Variants in ZNF213 observed in about 807,000 individuals in gnomAD.
ZNF213 encodes the protein zinc finger protein 213, also known as putative transcription factor CR53.
A neutral mutation model predicts 46.0 loss-of-function variants in ZNF213; 32 were observed. The observed-to-expected ratio is 0.70, with a 90% CI of 0.52 to 0.93. The LOEUF (loss-of-function observed/expected upper bound fraction) is 0.93, where lower values mean the gene tolerates loss of function less well. ZNF213 is among the 40% of genes least tolerant of loss of function. The pLI is 0.00. For synonymous variants in ZNF213, 297 were observed against 271.0 expected (o/e 1.10, Z -0.94); for missense variants, 639 against 652.8 (o/e 0.98, Z 0.23).
At chr16:3,138,564 G>A (rs756853711) in intron 3 of ZNF213, 23 bp downstream of exon 3, 2 of 1,613,854 alleles carry the variant, frequency 1.2e-6, no homozygotes, top group African/African-American at 1.3e-5. Context: ...CCGTTCTTGT[G>A]GACAGTCGAG....
chr16:3,138,604 G>A (rs917460230), intron 3 of ZNF213, 63 bp downstream of exon 3: 58 of 1,612,084 alleles, frequency 3.6e-5, no homozygotes, highest in African/African-American at 6.7e-5. Flanking sequence ...CTTTGTCACC[G>A]GCGTTGCCCT....
In ZNF213 at chr16:3,141,130, T is replaced by C; in HGVS notation, c.1163T>C (p.Leu388Pro). 6.2e-7 allele frequency: 1 copy of C among 1,612,384 alleles called. No individual in the cohort carries two copies. The change falls in exon 6 of 6, where the codon CTG becomes CCG. Residue 388 changes from leucine (L) to proline (P), a missense_variant. By Grantham distance (98) the Leu-to-Pro change is moderately conservative. Transcript: ENST00000396878. ...AAGAGCTTCAGCCGCAGCGCCTACC[T>C]GGCCGACCACCAGCGCATACACACG... ...CGKSFSRSAY[L>P]ADHQRIHTGE...
chr16:3,140,822 G>A lies in ZNF213; in HGVS notation c.855G>A (p.Arg285=), dbSNP rs372618434. Residue 285 remains arginine (R), a synonymous_variant, in exon 6 of 6, where the codon CGG becomes CGA. Coordinates refer to ENST00000396878, the MANE Select transcript of ZNF213 (RefSeq NM_004220.3). ...EEAEAWESEN[R]PRAALGPVVG... ...CTGAGGCCTGGGAGAGCGAGAACCGGCCGAGGGCGGCCCTGGGCCCAGTGG... is the reference window on the plus strand; with the variant it reads ...CTGAGGCCTGGGAGAGCGAGAACCGACCGAGGGCGGCCCTGGGCCCAGTGG... The A allele has an allele frequency of 1.3e-6, 2 of 1,592,406 alleles. No individual in the cohort carries two copies. The highest frequency in any genetic ancestry group is 2.3e-5 in the East Asian group (1 of 44,126).
chr16:3,137,795 C>G, intron 2 of ZNF213, 116 bp downstream of exon 2: 1 of 1,318,572 alleles, frequency 7.6e-7, no homozygotes, highest in Non-Finnish European at 1.0e-6. Context: ...ACACAGAGCC[C>G]CCAGGAGCAG....
At position 3,138,966 on chromosome 16, in the gene ZNF213, C is replaced by G. The variant is rs1469529210; in HGVS notation, c.598-9C>G. On this transcript the variant is annotated splice_polypyrimidine_tract_variant and intron_variant, in intron 4 of 5. Coordinates refer to ENST00000396878, the MANE Select transcript of ZNF213 (RefSeq NM_004220.3). ...GAGGCCTGAGCCGGGTCTTCTCACC[C>G]CATTCCAGGGACCTGTGGCATTGGG... 6.2e-7 allele frequency: 1 copy of G among 1,614,106 alleles called. No homozygotes were observed. The highest frequency in any genetic ancestry group is 1.3e-5 in the African/African-American group (1 of 74,954).
rs752818729 is a variant in ZNF213 at position 3,138,350 on chromosome 16, C to T, written c.400-68C>T. 5.6e-6 allele frequency: 9 copies of T among 1,596,780 alleles called. No homozygotes were observed. The African/African-American group carries it at 1.1e-4, about 19-fold the overall frequency. ...GAGGGTCATGTCCTGTGTCTCCTTC[C>T]CAGGGAGTAAACTCTGTCTCCCCCG... On this transcript the variant is annotated intron_variant, in intron 2 of 5. Coordinates refer to ENST00000396878, the MANE Select transcript of ZNF213 (RefSeq NM_004220.3).
In ZNF213 at chr16:3,138,754, C is replaced by A. The variant is rs372304460; in HGVS notation, c.533C>A (p.Pro178His). 14 of 1,614,072 alleles carry A rather than the reference C, an allele frequency of 8.7e-6. No homozygotes were observed. The African/African-American group carries it at 1.7e-4, about 20-fold the overall frequency. The change falls in exon 4 of 6, where the codon CCT (proline) becomes CAT (histidine). Residue 178 changes from proline to histidine, a missense_variant. Physicochemically the swap from Pro to His is moderately conservative, Grantham distance 77. Transcript: ENST00000396878. ...QEQHSHSAQP[P>H]ALLKEGRPGE... ...CATTCTTCTCCTTCAGCCCAGCCTC[C>A]TGCTCTTCTTAAAGAGGGTCGTCCC...
intron 1 of ZNF213, among the ~76,000 whole-genome samples, chr16:3,136,334 G>C (rs1957536815): frequency 6.6e-6 from 1 of 152,150 alleles, no homozygotes; most frequent in African/African-American, 2.4e-5. Context: ...TTTCAAATTT[G>C]AGAAAGATAA....
intron 1 of ZNF213, among the ~76,000 whole-genome samples, chr16:3,135,758 C>T (rs1189838564): frequency 6.6e-6 from 1 of 151,916 alleles, no homozygotes; most frequent in African/African-American, 2.4e-5. Context: ...GAGAGTTTTA[C>T]AGATTTCTAT....
chr16:3,140,854 C>T lies in ZNF213; in HGVS notation c.887C>T (p.Ala296Val), dbSNP rs747960018. The change falls in exon 6 of 6, where the codon GCG becomes GTG. Residue 296 changes from alanine (A) to valine (V), a missense_variant. By Grantham distance (64) the Ala-to-Val change is moderately conservative. Coordinates refer to ENST00000396878, the MANE Select transcript of ZNF213 (RefSeq NM_004220.3). The part of the protein sequence containing the change: ...PRAALGPVVG[A>V]RRGRPPTRRR... ...GCGGCCCTGGGCCCAGTGGTGGGCGCGCGACGGGGGCGGCCACCCACTCGC... is the reference window on the plus strand; with the variant it reads ...GCGGCCCTGGGCCCAGTGGTGGGCGTGCGACGGGGGCGGCCACCCACTCGC... 6 of 1,578,524 alleles carry T rather than the reference C, an allele frequency of 3.8e-6. No homozygotes were observed. The highest frequency in any genetic ancestry group is 5.1e-6 in the Non-Finnish European group (6 of 1,166,734).
chr16:3,138,930 A>G, intron 4 of ZNF213, 45 bp from the exon 5 acceptor site: 1 of 1,613,952 alleles, frequency 6.2e-7, no homozygotes, highest in Non-Finnish European at 8.5e-7. Context: ...TGTCCCCGCC[A>G]GTGCTGCTGG....
rs576029626 is a variant in ZNF213 at position 3,142,548 on chromosome 16, C to T, written c.*1201C>T. The T allele has an allele frequency of 4.5e-4, 75 of 167,380 alleles. No homozygotes were observed. The highest frequency in any genetic ancestry group is 1.7e-3 in the African/African-American group (69 of 41,558). 10.4% of individuals were successfully genotyped at this position (167,380 alleles called of 1,614,324 possible). ...CCATCATCACTACGTCCAGCTCCAACGGCACTGGTGCCCCATTCCATCGGC... is the reference window on the plus strand; with the variant it reads ...CCATCATCACTACGTCCAGCTCCAATGGCACTGGTGCCCCATTCCATCGGC... On this transcript the variant is annotated 3_prime_UTR_variant, in exon 6 of 6. Transcript: ENST00000396878.
intron 5 of ZNF213, 22 bp downstream of exon 5, chr16:3,139,120 G>T: frequency 6.2e-7 from 1 of 1,609,614 alleles, no homozygotes; most frequent in Non-Finnish European, 8.5e-7. Context: ...GGGCCTTTGG[G>T]TCCAGGCTGG....
rs1469502177 is a variant in ZNF213, at chr16:3,141,854, G to T, written c.*507G>T. 1.9e-5 allele frequency: 3 copies of T among 157,134 alleles called. No individual in the cohort carries two copies. Among genetic ancestry groups the T allele is most frequent in the Admixed American group, 6.4e-5 (1 of 15,598 alleles). The allele number at this position is 157,134 out of a possible 1,614,324, so 9.7% of individuals were successfully genotyped here. A position where few individuals can be genotyped will look rare whatever the true frequency, so the allele number is the denominator to read the frequency against. The stretch of plus-strand genomic sequence containing the variant: ...AGAGACAGCCCACACCTGTGGGACC[G>T]CGGGTCTTAGTCACGGCGGCAGGGG... On this transcript the variant is annotated 3_prime_UTR_variant, in exon 6 of 6. Transcript: ENST00000396878.
Position 3,139,104 on chromosome 16 carries a change from C to T in ZNF213, c.721+6C>T, listed in dbSNP as rs1189644478. 1 of 1,612,924 alleles carries T rather than the reference C, an allele frequency of 6.2e-7. No individual in the cohort carries two copies. Among genetic ancestry groups the T allele is most frequent in the Non-Finnish European group, 8.5e-7 (1 of 1,179,728 alleles). On this transcript the variant is annotated splice_donor_region_variant and intron_variant, in intron 5 of 5. Coordinates refer to ENST00000396878, the MANE Select transcript of ZNF213 (RefSeq NM_004220.3). Reference sequence around the variant, plus strand: ...CTCCCGGAACACCACCCTGGGTAAGCACCCAGGGCCTTTGGGTCCAGGCTG... The same window carrying T: ...CTCCCGGAACACCACCCTGGGTAAGTACCCAGGGCCTTTGGGTCCAGGCTG...
rs1403084426 is a variant in ZNF213 at position 3,135,038 on chromosome 16, C to G, written c.-465C>G. ...TCCCAGCGAGCCCCGCGAGGACTTCCGGCGCCGGGAGCTCGCGGCGGAAGT... is the reference window on the plus strand; with the variant it reads ...TCCCAGCGAGCCCCGCGAGGACTTCGGGCGCCGGGAGCTCGCGGCGGAAGT... On this transcript the variant is annotated 5_prime_UTR_variant, in exon 1 of 6. Transcript: ENST00000396878. 6.8e-6 allele frequency: 1 copy of G among 146,328 alleles called. No individual in the cohort carries two copies. Among genetic ancestry groups the G allele is most frequent in the African/African-American group, 2.5e-5 (1 of 39,852 alleles). The allele number at this position is 146,328 out of a possible 1,614,324, so 9.1% of individuals were successfully genotyped here.
At chr16:3,138,068 G>T in intron 2 of ZNF213, 1 of 457,800 alleles carries the variant, frequency 2.2e-6, no homozygotes, top group Non-Finnish European at 3.9e-6. Flanking sequence ...GCTACCTTGT[G>T]GGATGTTGGG....
In ZNF213 at chr16:3,138,817, A is replaced by T; in HGVS notation, c.596A>T (p.His199Leu). ...GACACCTGCTTTGTCTCTGGGGTCCATGTGAGTCACCAGTCCCTTTGTCTT... is the reference window on the plus strand; with the variant it reads ...GACACCTGCTTTGTCTCTGGGGTCCTTGTGAGTCACCAGTCCCTTTGTCTT... ...TTDTCFVSGV[H>L]GPVALGDIPF... The change falls in exon 4 of 6, where the codon CAT (histidine) becomes CTT (leucine). Residue 199 changes from histidine (H) to leucine (L), a missense_variant and splice_region_variant. By Grantham distance (99) the His-to-Leu change is moderately conservative (BLOSUM62 -3). Transcript: ENST00000396878. The T allele has an allele frequency of 6.2e-7, 1 of 1,614,092 alleles. No individual in the cohort carries two copies. The highest frequency in any genetic ancestry group is 8.5e-7 in the Non-Finnish European group (1 of 1,179,994).
At chr16:3,136,440 G>A (rs559881311) in intron 1 of ZNF213, among the ~76,000 whole-genome samples, 1 of 152,142 alleles carries the variant, frequency 6.6e-6, no homozygotes, top group African/African-American at 2.4e-5. Context: ...TAATTAGGCC[G>A]GGCGCAGTGG....
Sources: gnomAD v4.1 joint callset for allele counts (sites outside exome capture counted in the v4.1 genomes callset) on GRCh38, gnomAD v4.1.1 for gene constraint, MANE v1.5 for transcripts, NCBI Gene and HGNC (gene_info 2026-07-23, HGNC 2026-07-21) for gene names.